TEX101: variants seen among roughly 807,000 people sequenced by gnomAD.
TEX101 encodes testis-expressed protein 101.
A neutral mutation model predicts 18.1 loss-of-function variants in TEX101; 10 were observed. That is an observed-to-expected ratio of 0.55 (90% CI 0.34 to 0.94). The LOEUF (loss-of-function observed/expected upper bound fraction) is 0.94. TEX101 is among the 40% of genes least tolerant of loss of function. The pLI, the probability that TEX101 is intolerant of heterozygous loss-of-function variation, is 0.02. For missense variants in TEX101, 259 were observed against 298.9 expected (o/e 0.87, Z 0.98); for synonymous variants, 94 against 114.8 (o/e 0.82, Z 1.16).
At chr19:43,405,506 A>G (rs12976861) in intron 2 of TEX101, among the ~76,000 whole-genome samples, 47,477 of 144,128 alleles carry the variant, frequency 0.33, 8,354 homozygotes, top group East Asian at 0.73. Context: ...GGGAGGCAGA[A>G]GTTGCAGTGA....
At chr19:43,410,118 A>C (rs1970405689), upstream of TEX101, among the ~76,000 whole-genome samples, 1 of 152,300 alleles carries the variant, frequency 6.6e-6, no homozygotes, top group Non-Finnish European at 1.5e-5. Context: ...GAAGATCTCA[A>C]TCCTTTACAA....
At chr19:43,396,844 T>TC (rs1184863838), upstream of TEX101, among the ~76,000 whole-genome samples, 2 of 142,754 alleles carry the variant, frequency 1.4e-5, no homozygotes, top group African/African-American at 2.6e-5. Flanking sequence ...TTTTTTTTTT[T>TC]TTTTTTTTTT....
upstream of TEX101, among the ~76,000 whole-genome samples, chr19:43,411,234 G>A (rs749643479): frequency 3.9e-5 from 6 of 152,074 alleles, no homozygotes; most frequent in African/African-American, 1.2e-4. Flanking sequence ...GCACCACCAC[G>A]CCCAGCTAAT....
the TEX101 span, among the ~76,000 whole-genome samples, chr19:43,391,385 C>T: frequency 1.3e-5 from 2 of 148,872 alleles, no homozygotes; most frequent in Non-Finnish European, 3.0e-5. Context: ...TCCTTGCCAA[C>T]ACTTGTTCTT....
chr19:43,409,295 T>A lies in TEX101; in HGVS notation c.15+2776T>A, dbSNP rs151099895. 3.6e-3 allele frequency among the ~76,000 whole-genome samples: 546 copies of A among 152,340 alleles called. 4 individuals carry two copies. The highest frequency in any genetic ancestry group is 0.013 in the African/African-American group (526 of 41,574). On this transcript the variant is annotated intron_variant, in intron 3 of 7. Coordinates refer to the TEX101 transcript ENST00000602198. ...GAACAGTTAGTTGGGTACCTGTGAT[T>A]GGCTGAGACTCAGCTATTTTTACTA...
At chr19:43,389,527 GT>G in the TEX101 span, among the ~76,000 whole-genome samples, 1 of 152,214 alleles carries the variant, frequency 6.6e-6, no homozygotes, top group Non-Finnish European at 1.5e-5. Context: ...TCCTGTGCCT[GT>G]GGTTTGGTCC....
chr19:43,414,740 C>T, upstream of TEX101: 1 of 729,378 alleles, frequency 1.4e-6, no homozygotes, highest in Non-Finnish European at 1.7e-6. Flanking sequence ...CGAGCATGCG[C>T]ACCCTCCGAG....
chr19:43,388,954 C>A, the TEX101 span, among the ~76,000 whole-genome samples: 8 of 152,098 alleles, frequency 5.3e-5, no homozygotes, highest in Non-Finnish European at 1.0e-4. Context: ...CGGCTGCTCC[C>A]CGGGGTTCCT....
chr19:43,412,521 A>G (rs1482113818), upstream of TEX101, among the ~76,000 whole-genome samples: 1 of 152,144 alleles, frequency 6.6e-6, no homozygotes, highest in Non-Finnish European at 1.5e-5. Flanking sequence ...GGTGAAGAAT[A>G]GAGGTGGAGG....
At chr19:43,418,147 C>T (rs777104666) in intron 5 of TEX101, 21 bp from the exon 6 acceptor site, 19 of 1,613,488 alleles carry the variant, frequency 1.2e-5, no homozygotes, top group East Asian at 2.2e-5. Flanking sequence ...CTGTCTCTCC[C>T]GATCCTTCCT....
chr19:43,393,955 T>C, the TEX101 span, among the ~76,000 whole-genome samples: 2 of 151,924 alleles, frequency 1.3e-5, no homozygotes, highest in African/African-American at 4.8e-5. Flanking sequence ...CTTTCCCTTT[T>C]CTGGCTTTGA....
In TEX101 at chr19:43,418,429, T is replaced by A. The variant is rs772432916; in HGVS notation, c.*32T>A. The A allele has an allele frequency of 1.3e-6, 2 of 1,575,466 alleles. No homozygotes were observed. The highest frequency in any genetic ancestry group is 2.3e-5 in the South Asian group (2 of 86,876). ...ACTTCTGGGCCTGGGTCTGAGGACA[T>A]CTTTTTTGACTGGGAGCCTTCTTAC... On this transcript the variant is annotated 3_prime_UTR_variant, in exon 6 of 6. Transcript: ENST00000598265.
chr19:43,389,835 T>C, the TEX101 span, among the ~76,000 whole-genome samples: 2 of 152,158 alleles, frequency 1.3e-5, 1 homozygote, highest in Non-Finnish European at 2.9e-5. Flanking sequence ...TGCTGTGTCC[T>C]GTCTTCTGCA....
In TEX101 at chr19:43,417,914, G is replaced by A. The variant is rs754784654; in HGVS notation, c.428G>A (p.Cys143Tyr). ...TVSTTLHCPT[C>Y]VALGTCFSAP... ...TCAACAACCCTCCATTGTCCAACCT[G>A]TGTGGCTTTGGGGACCTGTTTCAGT... The change falls in exon 5 of 6, where the codon TGT becomes TAT. Residue 143 changes from cysteine (C) to tyrosine (Y), a missense_variant. Transcript: ENST00000598265. The A allele has an allele frequency of 1.2e-6, 2 of 1,614,160 alleles. No homozygotes were observed. The highest frequency in any genetic ancestry group is 2.2e-5 in the East Asian group (1 of 44,884).
Position 43,405,154 on chromosome 19 carries a change from G to A in TEX101, c.-282-1069G>A, listed in dbSNP as rs376372966. Among the ~76,000 whole-genome samples, 18 of 152,270 alleles carry A rather than the reference G, an allele frequency of 1.2e-4. No homozygotes were observed. The East Asian group carries it at 3.3e-3, about 28-fold the overall frequency. On this transcript the variant is annotated intron_variant, in intron 2 of 7. Transcript: ENST00000602198. ...ATTGGTGAAGCTAAGTAAATCTAAG[G>A]TCATTTTATTATTCAGGAAAAAGGC...
At chr19:43,407,346 G>A (rs1261089340) in intron 3 of TEX101, among the ~76,000 whole-genome samples, 5 of 152,108 alleles carry the variant, frequency 3.3e-5, no homozygotes, top group African/African-American at 1.2e-4. Context: ...TTAGCCGGGC[G>A]TGGTGGCGCA....
intron 2 of TEX101, among the ~76,000 whole-genome samples, chr19:43,404,454 G>C (rs1000417832): frequency 2.6e-5 from 4 of 152,060 alleles, no homozygotes; most frequent in Admixed American, 2.6e-4. Flanking sequence ...TCTTTGGAAA[G>C]GGATAGCATT....
intron 3 of TEX101, chr19:43,406,525 T>A: frequency 2.8e-6 from 2 of 725,878 alleles, no homozygotes; most frequent in Middle Eastern, 2.5e-4. Context: ...GGCAGGTACA[T>A]GGGCCTTGCG....
At chr19:43,391,444 G>A in the TEX101 span, among the ~76,000 whole-genome samples, 2 of 125,226 alleles carry the variant, frequency 1.6e-5, no homozygotes, top group East Asian at 2.4e-4. Context: ...AACAACCATC[G>A]TAATGGATGT....
Sources: gnomAD v4.1 joint callset for allele counts (sites outside exome capture counted in the v4.1 genomes callset) on GRCh38, gnomAD v4.1.1 for gene constraint, MANE v1.5 for transcripts, NCBI Gene and HGNC (gene_info 2026-07-23, HGNC 2026-07-21) for gene names.